The following TMEM132B variants were observed in gnomAD, a reference collection of about 807,000 sequenced individuals.
TMEM132B encodes transmembrane protein 132B.
Under a neutral mutation model 90.8 loss-of-function variants are expected in TMEM132B, and 18 were observed. That is an observed-to-expected ratio of 0.20 (90% CI 0.14 to 0.29). The LOEUF is 0.29. TMEM132B is among the 10% of genes least tolerant of loss of function. The pLI, the probability that TMEM132B is intolerant of heterozygous loss-of-function variation, is 1.00. For missense variants in TMEM132B, 1,096 were observed against 1,326.8 expected (o/e 0.83, Z 2.70); for synonymous variants, 504 against 523.3 (o/e 0.96, Z 0.50).
At chr12:125,465,768 G>A (rs779472250) in intron 3 of TMEM132B, among the ~76,000 whole-genome samples, 1 of 152,172 alleles carries the variant, frequency 6.6e-6, no homozygotes, top group African/African-American at 2.4e-5. Flanking sequence ...CCCATCAATC[G>A]AGACACTTGG....
intron 3 of TMEM132B, among the ~76,000 whole-genome samples, chr12:125,441,172 G>T (rs1398065194): frequency 2.6e-5 from 4 of 152,146 alleles, no homozygotes; most frequent in African/African-American, 7.2e-5. Context: ...AATGTAAAGT[G>T]CTTGCAACAT....
intron 4 of TMEM132B, among the ~76,000 whole-genome samples, chr12:125,573,575 T>C (rs1884858507): frequency 6.6e-6 from 1 of 152,218 alleles, no homozygotes; most frequent in African/African-American, 2.4e-5. Flanking sequence ...TACTTGTGAC[T>C]CCTAAATTTT....
intron 3 of TMEM132B, among the ~76,000 whole-genome samples, chr12:125,513,672 G>T (rs566663857): frequency 4.6e-5 from 7 of 152,284 alleles, no homozygotes; most frequent in African/African-American, 1.7e-4. Flanking sequence ...TTGAGGATCT[G>T]CTTGGTTTCT....
chr12:125,564,498 G>A (rs933280447), intron 4 of TMEM132B, among the ~76,000 whole-genome samples: 5 of 152,154 alleles, frequency 3.3e-5, no homozygotes, highest in African/African-American at 1.2e-4. Flanking sequence ...TCAGAAGGAT[G>A]TGCAGGCTTC....
chr12:125,219,597 GTC>G, intron 1 of TMEM132B, among the ~76,000 whole-genome samples: 1 of 152,000 alleles, frequency 6.6e-6, no homozygotes, highest in Non-Finnish European at 1.5e-5. Context: ...TCAAGACCTG[GTC>G]CTCCAACCCT....
intron 2 of TMEM132B, among the ~76,000 whole-genome samples, chr12:125,367,965 G>T (rs1878182414): frequency 6.6e-6 from 1 of 151,712 alleles, no homozygotes; most frequent in African/African-American, 2.4e-5. Flanking sequence ...ATTAGTATTT[G>T]ATTTTAATTA....
intron 1 of TMEM132B, among the ~76,000 whole-genome samples, chr12:125,256,868 G>A (rs1874450042): frequency 1.3e-5 from 2 of 152,268 alleles, no homozygotes; most frequent in Admixed American, 6.5e-5. Flanking sequence ...GTTCATCTAA[G>A]GGTGAGCAGT....
At position 125,404,688 on chromosome 12, in the gene TMEM132B, A is replaced by G. The variant is rs1053592425; in HGVS notation, c.960-10843A>G. Among the ~76,000 whole-genome samples the G allele has an allele frequency of 8.5e-5, 13 of 152,192 alleles. No individual in the cohort carries two copies. In the East Asian group the frequency reaches 9.6e-4, roughly 11 times the overall value. On this transcript the variant is annotated intron_variant, in intron 2 of 8. Transcript: ENST00000682704. The stretch of plus-strand genomic sequence containing the variant: ...AAGGAAACTGAGTCACAGAAGTTCA[A>G]TGGTTATCCAAGGCCTCACAGCTAG...
chr12:125,582,822 C>T (rs545044005), intron 4 of TMEM132B, among the ~76,000 whole-genome samples: 9 of 150,086 alleles, frequency 6.0e-5, no homozygotes, highest in South Asian at 4.2e-4. Context: ...TTATTATCCC[C>T]GTTTTCCAGA....
chr12:125,349,702 C>T lies in TMEM132B; in HGVS notation c.318C>T (p.Leu106=), dbSNP rs372276784. 64 of 1,614,080 alleles carry T rather than the reference C, an allele frequency of 4.0e-5. No individual in the cohort carries two copies. The highest frequency in any genetic ancestry group is 5.3e-5 in the Non-Finnish European group (62 of 1,180,050). Residue 106 remains leucine, a synonymous_variant, in exon 2 of 9, where the codon CTC becomes CTT. Coordinates refer to ENST00000682704, the MANE Select transcript of TMEM132B (RefSeq NM_001366854.1). The surrounding 1 kb of genome is among the most constrained non-coding windows in gnomAD (Gnocchi z 4.1). ...TGGAGAAGATAATCCCCCAGGAGCT[C>T]CTGTTGACATCTACAGCCTTTGGAA... ...FSVEKIIPQE[L]LLTSTAFGNM...
Position 125,459,193 on chromosome 12 carries a change from G to C in TMEM132B, c.1106+43516G>C, listed in dbSNP as rs1186052424. Among the ~76,000 whole-genome samples the C allele has an allele frequency of 3.3e-5, 5 of 152,208 alleles. No individual in the cohort carries two copies. The highest frequency in any genetic ancestry group is 1.2e-4 in the African/African-American group (5 of 41,440). On this transcript the variant is annotated intron_variant, in intron 3 of 8. Coordinates refer to ENST00000682704, the MANE Select transcript of TMEM132B (RefSeq NM_001366854.1). The surrounding 1 kb of genome is among the most constrained non-coding windows in gnomAD (Gnocchi z 4.1). ...ACGAGGAGGGGCTGAAACTGGGGCAGCTGGGCAGGCTGCCTCACCTTTCAA... is the reference window on the plus strand; with the variant it reads ...ACGAGGAGGGGCTGAAACTGGGGCACCTGGGCAGGCTGCCTCACCTTTCAA...
intron 1 of TMEM132B, among the ~76,000 whole-genome samples, chr12:125,202,587 G>A (rs914368025): frequency 2.6e-5 from 4 of 152,222 alleles, no homozygotes; most frequent in African/African-American, 9.6e-5. Flanking sequence ...CCTGTCCCTG[G>A]GGCCCTCTCC....
At chr12:125,300,487 G>T (rs141974820) in intron 1 of TMEM132B, among the ~76,000 whole-genome samples, 1 of 152,104 alleles carries the variant, frequency 6.6e-6, no homozygotes, top group Non-Finnish European at 1.5e-5. Context: ...CTACCTATCT[G>T]CCTACATCCA....
chr12:125,627,577 G>A (rs1886262952), intron 5 of TMEM132B, among the ~76,000 whole-genome samples: 1 of 152,074 alleles, frequency 6.6e-6, no homozygotes, highest in African/African-American at 2.4e-5. Context: ...GGGTACATGA[G>A]ATGTTTTGAT....
At chr12:125,595,867 G>A (rs1472751357) in intron 5 of TMEM132B, among the ~76,000 whole-genome samples, 1 of 119,474 alleles carries the variant, frequency 8.4e-6, no homozygotes, top group Non-Finnish European at 1.6e-5. Context: ...ATTTCTCAGG[G>A]CGGCTTTTTT....
chr12:125,401,916 C>A (rs1879332116), intron 2 of TMEM132B, among the ~76,000 whole-genome samples: 1 of 151,972 alleles, frequency 6.6e-6, no homozygotes. Flanking sequence ...GTTGGCAATT[C>A]CCGATCTGTG....
chr12:125,376,193 C>T (rs1238458760), intron 2 of TMEM132B, among the ~76,000 whole-genome samples: 1 of 152,236 alleles, frequency 6.6e-6, no homozygotes, highest in Non-Finnish European at 1.5e-5. Context: ...TGGCAGGCAG[C>T]AGTGTCTGGC....
chr12:125,514,155 C>T (rs1378150558), intron 3 of TMEM132B, among the ~76,000 whole-genome samples: 1 of 152,198 alleles, frequency 6.6e-6, no homozygotes, highest in Non-Finnish European at 1.5e-5. Context: ...GCTCAAGGCT[C>T]TGCTGGCTGG....
At chr12:125,372,318 G>A (rs991858565) in intron 2 of TMEM132B, among the ~76,000 whole-genome samples, 3 of 152,168 alleles carry the variant, frequency 2.0e-5, no homozygotes, top group African/African-American at 7.2e-5. Context: ...TCCCTTGAGT[G>A]GAATTAAAGT....
Sources: gnomAD v4.1 joint callset for allele counts (sites outside exome capture counted in the v4.1 genomes callset) on GRCh38, gnomAD v4.1.1 for gene constraint, Gnocchi (gnomAD v3.1) non-coding constraint, MANE v1.5 for transcripts, NCBI Gene and HGNC (gene_info 2026-07-23, HGNC 2026-07-21) for gene names.